Variants in DCAF4 observed in about 807,000 individuals in gnomAD.
DCAF4 encodes DDB1 and CUL4 associated factor 4.
Under a neutral mutation model 60.9 loss-of-function variants are expected in DCAF4, and 37 were observed. The ratio of observed to expected loss-of-function variants is 0.61; its 90% CI spans 0.47 to 0.80. The LOEUF (loss-of-function observed/expected upper bound fraction) is 0.80, where lower values mean the gene tolerates loss of function less well. Among genes scored for constraint, DCAF4 ranks in the 30% least tolerant of loss-of-function variants. The pLI is 0.00. For missense variants in DCAF4, 577 were observed against 650.0 expected (o/e 0.89, Z 1.22); for synonymous variants, 243 against 254.8 (o/e 0.95, Z 0.44).
chr14:72,939,833 G>C lies in DCAF4; in HGVS notation c.124G>C (p.Asp42His). ...SDSRAAQPAH[D>H]SGHGDDESPS... ...CTCCCGGGCAGCACAGCCCGCTCAC[G>C]ATTCCGGCCACGGTGATGACGAGTC... Residue 42 changes from aspartate (D) to histidine (H), a missense_variant, in exon 3 of 14, where the codon GAT becomes CAT. By Grantham distance (81) the Asp-to-His change is moderately conservative. Coordinates refer to ENST00000358377, the MANE Select transcript of DCAF4 (RefSeq NM_015604.4). The C allele has an allele frequency of 5.6e-6, 9 of 1,613,172 alleles. No homozygotes were observed. The highest frequency in any genetic ancestry group is 7.6e-6 in the Non-Finnish European group (9 of 1,179,638).
chr14:72,926,900 C>G (rs945231970), intron 1 of DCAF4: 1 of 152,554 alleles, frequency 6.6e-6, no homozygotes, highest in African/African-American at 2.4e-5. Context: ...GGCTGCGGGC[C>G]TTGGGGCGGT....
At chr14:72,930,760 C>T (rs577043714) in intron 1 of DCAF4, among the ~76,000 whole-genome samples, 15 of 152,164 alleles carry the variant, frequency 9.9e-5, no homozygotes, top group African/African-American at 3.4e-4. Context: ...AGTTTTAGAT[C>T]GAGATCCATT....
downstream of DCAF4, chr14:72,959,763 C>A: frequency 1.7e-6 from 1 of 594,018 alleles, no homozygotes; most frequent in Non-Finnish European, 2.1e-6. Flanking sequence ...ACCCACTCTG[C>A]CCTCATCATC....
chr14:72,961,846 C>T, downstream of DCAF4: 2 of 1,073,188 alleles, frequency 1.9e-6, no homozygotes, highest in Non-Finnish European at 2.3e-6. Context: ...CTCCTTGCCC[C>T]CAAGGGCATC....
Position 72,939,921 on chromosome 14 carries a change from TGG to T in DCAF4, c.193+21_193+22del. On this transcript the variant is annotated intron_variant, in intron 3 of 13. Coordinates refer to ENST00000358377, the MANE Select transcript of DCAF4 (RefSeq NM_015604.4). The stretch of plus-strand genomic sequence containing the variant: ...GTGCCAGGTAAGGCCACTTGCGGGG[TGG>T]GAATCCTGGCCCTTGCACACAGGGA... The T allele has an allele frequency of 6.3e-7, 1 of 1,578,844 alleles. No homozygotes were observed. The highest frequency in any genetic ancestry group is 8.6e-7 in the Non-Finnish European group (1 of 1,161,880).
downstream of DCAF4, chr14:72,960,513 C>T: frequency 1.2e-5 from 7 of 603,508 alleles, no homozygotes; most frequent in Non-Finnish European, 1.5e-5. Context: ...CTTCCTTCTC[C>T]CACCAGCAAA....
At chr14:72,961,995 C>G (rs899917403), downstream of DCAF4, 2 of 1,104,110 alleles carry the variant, frequency 1.8e-6, no homozygotes, top group Non-Finnish European at 2.3e-6. Context: ...TCCCTCTGTT[C>G]TAACAGCATC....
downstream of DCAF4, among the ~76,000 whole-genome samples, chr14:72,961,267 G>C (rs1250141144): frequency 6.6e-6 from 1 of 152,208 alleles, no homozygotes; most frequent in Admixed American, 6.5e-5. Context: ...GAAGGGCTGA[G>C]CTGGGATTAA....
At chr14:72,949,973 A>T (rs1567318925) in intron 8 of DCAF4, among the ~76,000 whole-genome samples, 1 of 152,126 alleles carries the variant, frequency 6.6e-6, no homozygotes, top group Non-Finnish European at 1.5e-5. Flanking sequence ...ACCTTCCTGG[A>T]GGGAGACCCA....
At chr14:72,953,727 AAAAAAATAT>A (rs1172189705) in intron 9 of DCAF4, among the ~76,000 whole-genome samples, 635 of 47,364 alleles carry the variant, frequency 0.013, 64 homozygotes, top group Non-Finnish European at 0.019. Context: ...AAAAAAAAAA[AAAAAAATAT>A]ATATATATAT....
chr14:72,930,236 G>C (rs1311977418), intron 1 of DCAF4, among the ~76,000 whole-genome samples: 1 of 142,792 alleles, frequency 7.0e-6, no homozygotes, highest in African/African-American at 2.6e-5. Context: ...GGCTATTTGT[G>C]TAGCTTTTTC....
At chr14:72,960,397 G>A (rs149147554), downstream of DCAF4, among the ~76,000 whole-genome samples, 15 of 152,182 alleles carry the variant, frequency 9.9e-5, no homozygotes, top group South Asian at 2.1e-4. Flanking sequence ...TGATCTGCCC[G>A]CCTCAGCCTC....
chr14:72,947,585 G>T (rs1211673839), intron 8 of DCAF4, among the ~76,000 whole-genome samples: 1 of 152,208 alleles, frequency 6.6e-6, no homozygotes, highest in African/African-American at 2.4e-5. Flanking sequence ...CCTGCCGGAG[G>T]GCTGGTGTGG....
intron 1 of DCAF4, among the ~76,000 whole-genome samples, chr14:72,928,348 C>T (rs1460880052): frequency 1.3e-5 from 2 of 151,552 alleles, no homozygotes; most frequent in Non-Finnish European, 2.9e-5. Context: ...CGCACGCCAC[C>T]GCGCCCGGCT....
chr14:72,953,723 AAAAAAAAAAATATATATAT>A (rs1302628871), intron 9 of DCAF4, among the ~76,000 whole-genome samples: 1 of 53,664 alleles, frequency 1.9e-5, no homozygotes, highest in Non-Finnish European at 3.3e-5. Flanking sequence ...AAAAAAAAAA[AAAAAAAAAAATATATATAT>A]ATATATATAT....
chr14:72,959,500 T>TA lies in DCAF4; in HGVS notation c.*696dup. ...AAGGTTCAGCAGCTCTGGTTTCTAT[T>TA]ACGGTGACTTGAATGTCAGATTCAA... On this transcript the variant is annotated 3_prime_UTR_variant, in exon 14 of 14. Coordinates refer to ENST00000358377, the MANE Select transcript of DCAF4 (RefSeq NM_015604.4). 1.0e-6 allele frequency: 1 copy of TA among 985,652 alleles called. No homozygotes were observed. Among genetic ancestry groups the TA allele is most frequent in the African/African-American group, 1.7e-5 (1 of 57,358 alleles). The allele number at this position is 985,652 out of a possible 1,614,324, so 61.1% of individuals were successfully genotyped here.
intron 1 of DCAF4, among the ~76,000 whole-genome samples, chr14:72,936,928 A>C (rs1889356712): frequency 6.6e-6 from 1 of 152,250 alleles, no homozygotes; most frequent in African/African-American, 2.4e-5. Flanking sequence ...AGCCAAAGGA[A>C]GAATGTAGCC....
Position 72,941,820 on chromosome 14 carries a change from T to C in DCAF4, c.427T>C (p.Cys143Arg), listed in dbSNP as rs1262019227. 1 of 1,614,044 alleles carries C rather than the reference T, an allele frequency of 6.2e-7. No homozygotes were observed. Among genetic ancestry groups the C allele is most frequent in the East Asian group, 2.2e-5 (1 of 44,884 alleles). Residue 143 changes from cysteine (C) to arginine (R), a missense_variant, in exon 5 of 14, where the codon TGC (cysteine) becomes CGC (arginine). Transcript: ENST00000358377. ...GGGTTTTCTCAACGTCACCAATTAC[T>C]GCCAGTAAGACAATGCCTCTTTGTT... The part of the protein sequence containing the change: ...QLGFLNVTNY[C>R]HLAHELRLSC...
intron 1 of DCAF4, among the ~76,000 whole-genome samples, chr14:72,933,671 C>G (rs963862045): frequency 6.6e-6 from 1 of 152,132 alleles, no homozygotes; most frequent in Non-Finnish European, 1.5e-5. Flanking sequence ...TCTCTTTAGG[C>G]TCAATTTCTC....
Sources: gnomAD v4.1 joint callset for allele counts (sites outside exome capture counted in the v4.1 genomes callset) on GRCh38, gnomAD v4.1.1 for gene constraint, MANE v1.5 for transcripts, NCBI Gene and HGNC (gene_info 2026-07-23, HGNC 2026-07-21) for gene names.